The following HECTD4 variants were observed in gnomAD, a reference collection of about 807,000 sequenced individuals.
HECTD4 encodes HECT domain E3 ubiquitin protein ligase 4, also known as probable E3 ubiquitin-protein ligase HECTD4.
Under a neutral mutation model 471.5 loss-of-function variants are expected in HECTD4, and 114 were observed. That is an observed-to-expected ratio of 0.24 (90% confidence interval 0.21 to 0.28). HECTD4 has a LOEUF of 0.28. Ranked by LOEUF, HECTD4 falls within the 10% of genes least tolerant of loss-of-function variation. The probability of loss-of-function intolerance (pLI) is 1.00; values close to 1 mark genes in which losing one functional copy is unlikely to be tolerated. For missense variants in HECTD4, 3,866 were observed against 5,651.5 expected (o/e 0.68, Z 10.13); for synonymous variants, 2,012 against 2,256.0 (o/e 0.89, Z 3.07).
intron 1 of HECTD4, among the ~76,000 whole-genome samples, chr12:112,350,309 G>A (rs1362579376): frequency 2.6e-5 from 4 of 152,082 alleles, no homozygotes; most frequent in South Asian, 4.1e-4. Flanking sequence ...CAAAATAAAC[G>A]TGCCATTCTC....
At chr12:112,380,328 C>T (rs953133076) in intron 1 of HECTD4, among the ~76,000 whole-genome samples, 3 of 151,998 alleles carry the variant, frequency 2.0e-5, no homozygotes, top group Admixed American at 6.6e-5. Flanking sequence ...GCCTGTAATC[C>T]CAGCAACTCG....
chr12:112,171,637 A>G (rs965502437), intron 67 of HECTD4, among the ~76,000 whole-genome samples: 2 of 152,240 alleles, frequency 1.3e-5, no homozygotes, highest in South Asian at 2.1e-4. Context: ...GTGTCCCCCA[A>G]TGGTGATGTC....
Position 112,331,976 on chromosome 12 carries a change from A to G in HECTD4, c.178-12234T>C, listed in dbSNP as rs147595842. Among the ~76,000 whole-genome samples the G allele has an allele frequency of 8.5e-5, 13 of 152,252 alleles. No individual in the cohort carries two copies. In the East Asian group the frequency reaches 2.3e-3, roughly 27 times the overall value. ...GAGACTAGAGTGTGTCCAGAAGAAGATGATTTGACTAATCTGGAAATCATG... is the reference window on the plus strand; with the variant it reads ...GAGACTAGAGTGTGTCCAGAAGAAGGTGATTTGACTAATCTGGAAATCATG... On this transcript the variant is annotated intron_variant, in intron 1 of 75. Transcript: ENST00000682272.
At chr12:112,242,673 G>C (rs570158559) in intron 32 of HECTD4, among the ~76,000 whole-genome samples, 2 of 151,840 alleles carry the variant, frequency 1.3e-5, no homozygotes, top group Non-Finnish European at 2.9e-5. Context: ...ACTTTGGGGG[G>C]GCCGAGGCAG....
chr12:112,308,617 C>A (rs2035315730), intron 6 of HECTD4, 136 bp downstream of exon 6: 1 of 800,398 alleles, frequency 1.2e-6, no homozygotes. Context: ...AACAGAATGC[C>A]CAAACTATAA....
chr12:112,165,207 G>A (rs948470988), intron 72 of HECTD4, among the ~76,000 whole-genome samples: 20 of 150,740 alleles, frequency 1.3e-4, no homozygotes, highest in South Asian at 6.3e-4. Flanking sequence ...CTGAGCCACC[G>A]CGCCTGTCCT....
Position 112,167,393 on chromosome 12 carries a change from C to T in HECTD4, c.12458G>A (p.Gly4153Asp), listed in dbSNP as rs2031012553. The change falls in exon 72 of 76, where the codon GGC (glycine) becomes GAC (aspartate). Residue 4153 changes from glycine to aspartate, a missense_variant. This residue lies in a region of HECTD4 where 715 missense variants were observed against 1,087.6 expected (regional missense o/e 0.66). Coordinates refer to ENST00000682272, the MANE Select transcript of HECTD4 (RefSeq NM_001388303.1). ...LLPSFWKTLVGEPLDPEQDLQ... is the reference protein window; with the variant it reads ...LLPSFWKTLVDEPLDPEQDLQ... ...GTCTTGCTCAGGGTCCAAGGGCTCG[C>T]CCACCAGCGTCTTCCAGAAGGAGGG... The T allele has an allele frequency of 6.2e-7, 1 of 1,613,844 alleles. No homozygotes were observed.
At position 112,243,971 on chromosome 12, in the gene HECTD4, C is replaced by T. The variant is rs777014921; in HGVS notation, c.4552G>A (p.Ala1518Thr). ...CGAAGAAAAACAGGCTGCCTGACAG[C>T]GTGAGATATCACTTTTGTTTCAGAA... ...SASETKVISH[A>T]VRQPVFLRSM... is the part of the protein sequence containing the mutation. The change falls in exon 30 of 76, where the codon GCT (alanine) becomes ACT (threonine). Residue 1518 changes from alanine (A) to threonine (T), a missense_variant. Ala to Thr is a moderately conservative substitution (Grantham distance 58). Coordinates refer to ENST00000682272, the MANE Select transcript of HECTD4 (RefSeq NM_001388303.1). This position sits in a 1 kb window ranked among gnomAD's most constrained non-coding sequence, Gnocchi z 6.6. The T allele has an allele frequency of 2.2e-5, 35 of 1,613,800 alleles. No individual in the cohort carries two copies. The highest frequency in any genetic ancestry group is 5.0e-5 in the Admixed American group (3 of 59,994).
intron 18 of HECTD4, 74 bp from the exon 19 acceptor site, chr12:112,259,339 A>G (rs1209673545): frequency 2.0e-6 from 3 of 1,499,202 alleles, no homozygotes; most frequent in Non-Finnish European, 2.7e-6. Context: ...TGTCATCTTT[A>G]TCTGACAATT....
intron 29 of HECTD4, among the ~76,000 whole-genome samples, chr12:112,245,668 T>A (rs1221623719): frequency 6.6e-6 from 1 of 152,226 alleles, no homozygotes; most frequent in Admixed American, 6.5e-5. Context: ...TACTGCCCAC[T>A]GGGCAATGGG....
intron 1 of HECTD4, among the ~76,000 whole-genome samples, chr12:112,333,626 C>A (rs547413781): frequency 6.6e-6 from 1 of 151,992 alleles, no homozygotes; most frequent in Admixed American, 6.6e-5. Context: ...GGAGGGAGGA[C>A]TGCTTGAGCC....
intron 69 of HECTD4, 156 bp downstream of exon 69, chr12:112,170,177 C>T (rs963837178): frequency 4.8e-6 from 5 of 1,046,110 alleles, no homozygotes; most frequent in Middle Eastern, 2.8e-4. Flanking sequence ...CCTGAGGGGA[C>T]CTTCCAGCAG....
chr12:112,193,575 T>A lies in HECTD4; in HGVS notation c.8849A>T (p.Asn2950Ile), dbSNP rs375726754. ...GAGCCACTCTCTCACTGTCTGGGAG[T>A]TGCCCTGGTAAAAGAGGTCCGTGGC... Reference protein sequence around the residue: ...CSATDLFYQGNSQTVREWLNV... With the variant: ...CSATDLFYQGISQTVREWLNV... The change falls in exon 57 of 76, where the codon AAC becomes ATC. Residue 2950 changes from asparagine (N) to isoleucine (I), a missense_variant. Asn to Ile is a moderately radical substitution (Grantham distance 149). Transcript: ENST00000682272. The surrounding 1 kb of genome is among the most constrained non-coding windows in gnomAD (Gnocchi z 5.2). 3.7e-6 allele frequency: 6 copies of A among 1,612,942 alleles called. No homozygotes were observed. Among genetic ancestry groups the A allele is most frequent in the Non-Finnish European group, 3.4e-6 (4 of 1,179,614 alleles).
chr12:112,370,394 A>G (rs2036643383), intron 1 of HECTD4, among the ~76,000 whole-genome samples: 3 of 152,228 alleles, frequency 2.0e-5, no homozygotes, highest in Non-Finnish European at 4.4e-5. Context: ...TAACATGGCA[A>G]CAGGAAACTA....
intron 70 of HECTD4, among the ~76,000 whole-genome samples, chr12:112,168,881 A>G (rs1207032516): frequency 2.0e-5 from 3 of 152,166 alleles, no homozygotes; most frequent in African/African-American, 7.2e-5. Flanking sequence ...GAGGCCTAGG[A>G]GGCCTGCCCA....
At chr12:112,323,947 C>CTTCTTTCTTTCTTCCTTTCTTTCT (rs2035638926) in intron 1 of HECTD4, among the ~76,000 whole-genome samples, 1 of 66,852 alleles carries the variant, frequency 1.5e-5, no homozygotes, top group Non-Finnish European at 2.7e-5. Context: ...TACTGAGGTG[C>CTTCTTTCTTTCTTCCTTTCTTTCT]TTCTTTCTTT....
At chr12:112,254,277 T>A in intron 21 of HECTD4, 115 bp from the exon 22 acceptor site, 1 of 1,281,676 alleles carries the variant, frequency 7.8e-7, no homozygotes, top group Non-Finnish European at 1.1e-6. Context: ...GGCATTGGTG[T>A]CATTATAGTA....
intron 62 of HECTD4, among the ~76,000 whole-genome samples, chr12:112,182,043 A>C (rs1453763408): frequency 6.6e-6 from 1 of 152,058 alleles, no homozygotes; most frequent in Non-Finnish European, 1.5e-5. Context: ...CAGTGAGCTG[A>C]GATTGTACCA....
intron 8 of HECTD4, 85 bp from the exon 9 acceptor site, chr12:112,279,471 G>A: frequency 1.7e-6 from 2 of 1,165,492 alleles, no homozygotes; most frequent in South Asian, 1.6e-5. Context: ...ATATAATGAG[G>A]GAGACCCAAA....
Sources: gnomAD v4.1 joint callset for allele counts (sites outside exome capture counted in the v4.1 genomes callset) on GRCh38, gnomAD v4.1.1 for gene constraint, gnomAD v4.1.1 regional missense constraint, Gnocchi (gnomAD v3.1) non-coding constraint, MANE v1.5 for transcripts, NCBI Gene and HGNC (gene_info 2026-07-23, HGNC 2026-07-21) for gene names.